Variants in CENPL observed in about 807,000 individuals in gnomAD.
CENPL encodes interphase centromere complex protein 33.
A neutral mutation model predicts 35.2 loss-of-function variants in CENPL; 20 were observed. The observed-to-expected ratio is 0.57, with a 90% CI of 0.40 to 0.83. The LOEUF (loss-of-function observed/expected upper bound fraction) is 0.83, where lower values mean the gene tolerates loss of function less well. CENPL is among the 40% of genes least tolerant of loss of function. The probability of loss-of-function intolerance (pLI) is 0.00; values close to 1 mark genes in which losing one functional copy is unlikely to be tolerated. For missense variants in CENPL, 363 were observed against 395.8 expected (o/e 0.92, Z 0.70); for synonymous variants, 140 against 140.6 (o/e 1.00, Z 0.03).
intron 2 of CENPL, among the ~76,000 whole-genome samples, chr1:173,819,869 G>GT (rs79692984): frequency 0.011 from 1,630 of 143,890 alleles, 20 homozygotes; most frequent in African/African-American, 0.034. Context: ...TTTTTTGTTT[G>GT]TTTTTTTTTT....
At chr1:173,807,607 T>C in intron 3 of CENPL, 89 bp from the exon 4 acceptor site, 1 of 1,065,886 alleles carries the variant, frequency 9.4e-7, no homozygotes, top group Non-Finnish European at 1.3e-6. Context: ...AATACAAATA[T>C]ATTATTGAGT....
intron 2 of CENPL, among the ~76,000 whole-genome samples, chr1:173,820,364 A>G (rs1171497799): frequency 6.6e-6 from 1 of 152,086 alleles, no homozygotes; most frequent in African/African-American, 2.4e-5. Flanking sequence ...ATCTTTCAAA[A>G]AAAAAAAAGG....
chr1:173,803,396 T>G lies in CENPL; in HGVS notation c.530A>C (p.Asp177Ala). The G allele has an allele frequency of 6.2e-7, 1 of 1,614,084 alleles. No individual in the cohort carries two copies. Among genetic ancestry groups the G allele is most frequent in the Non-Finnish European group, 8.5e-7 (1 of 1,179,956 alleles). ...AAGGAATAAGGGCAGACAGGTGAAATCTTCTGAAACAGTCTCCAGAAGACT... is the reference window on the plus strand; with the variant it reads ...AAGGAATAAGGGCAGACAGGTGAAAGCTTCTGAAACAGTCTCCAGAAGACT... ...GDSLLETVSEDFTCLPLFLAN... is the reference protein window; with the variant it reads ...GDSLLETVSEAFTCLPLFLAN... Residue 177 changes from aspartate (D) to alanine (A), a missense_variant, in exon 5 of 6, where the codon GAT becomes GCT. Transcript: ENST00000682279.
Position 173,803,324 on chromosome 1 carries a change from T to C in CENPL, c.602A>G (p.Gln201Arg). 1 of 1,614,064 alleles carries C rather than the reference T, an allele frequency of 6.2e-7. No homozygotes were observed. The highest frequency in any genetic ancestry group is 8.5e-7 in the Non-Finnish European group (1 of 1,179,900). Reference protein sequence around the residue: ...SNTAIIGTWFQKTFDCYFSPL... With the variant: ...SNTAIIGTWFRKTFDCYFSPL... ...ACTGAAATAACAGTCAAAGGTTTTC[T>C]GAAACCAAGTTCCAATTATTGCTGT... is the stretch of plus-strand genomic sequence containing the variant. Residue 201 changes from glutamine to arginine, a missense_variant, in exon 5 of 6, where the codon CAG becomes CGG. By Grantham distance (43) the Gln-to-Arg change is conservative. Coordinates refer to ENST00000682279, the MANE Select transcript of CENPL (RefSeq NM_001387287.1).
intron 3 of CENPL, among the ~76,000 whole-genome samples, chr1:173,809,710 G>A (rs1217508943): frequency 1.3e-5 from 2 of 151,668 alleles, no homozygotes; most frequent in Non-Finnish European, 2.9e-5. Context: ...ATCATATGAA[G>A]AAAAGTTCAA....
intron 3 of CENPL, among the ~76,000 whole-genome samples, chr1:173,808,200 G>A (rs1390359006): frequency 6.6e-6 from 1 of 152,022 alleles, no homozygotes; most frequent in Non-Finnish European, 1.5e-5. Flanking sequence ...AAGGTCAGGA[G>A]TTTGAGACCA....
intron 2 of CENPL, among the ~76,000 whole-genome samples, chr1:173,819,098 G>A (rs547374792): frequency 2.0e-5 from 3 of 152,030 alleles, no homozygotes; most frequent in Admixed American, 1.3e-4. Flanking sequence ...CTAGCCAGGT[G>A]TGGTAGTGCA....
At chr1:173,820,419 G>A (rs1416046921) in intron 2 of CENPL, among the ~76,000 whole-genome samples, 1 of 151,958 alleles carries the variant, frequency 6.6e-6, no homozygotes, top group Non-Finnish European at 1.5e-5. Flanking sequence ...CAGAGGCTGA[G>A]GCAGGAGGAG....
rs1650800355 is a variant in CENPL at position 173,811,300 on chromosome 1, G to A, written c.-1C>T. The A allele has an allele frequency of 4.4e-6, 7 of 1,590,952 alleles. No individual in the cohort carries two copies. Among genetic ancestry groups the A allele is most frequent in the Non-Finnish European group, 6.0e-6 (7 of 1,163,328 alleles). ...ACTCTGGTGCACTGTAAGAATCCAT[G>A]GTCTGTCTGCATAAGAAGAAACAAA... On this transcript the variant is annotated 5_prime_UTR_variant, in exon 3 of 6. Transcript: ENST00000682279.
At chr1:173,811,955 C>A (rs1650871895) in intron 2 of CENPL, among the ~76,000 whole-genome samples, 1 of 152,246 alleles carries the variant, frequency 6.6e-6, no homozygotes, top group South Asian at 2.1e-4. Context: ...ATGGGACACT[C>A]CCACCCAAAT....
chr1:173,803,593 G>A lies in CENPL; in HGVS notation c.421-88C>T, dbSNP rs571099854. ...CTCAAAATTAGTTCATTAAAAATAA[G>A]ACGAGCCAATGTAATACTTGCAAAA... On this transcript the variant is annotated intron_variant, in intron 4 of 5. Transcript: ENST00000682279. 3.0e-3 allele frequency: 3,653 copies of A among 1,231,400 alleles called. 9 individuals are homozygous for A. The highest frequency in any genetic ancestry group is 3.7e-3 in the Non-Finnish European group (3,293 of 897,752). 76.3% of individuals were successfully genotyped at this position (1,231,400 alleles called of 1,614,324 possible).
chr1:173,815,563 T>A (rs1043421694), intron 2 of CENPL, among the ~76,000 whole-genome samples: 1 of 152,116 alleles, frequency 6.6e-6, no homozygotes, highest in African/African-American at 2.4e-5. Flanking sequence ...ATTCATCACA[T>A]AAACAGAAAC....
chr1:173,811,217 T>G lies in CENPL; in HGVS notation c.83A>C (p.Gln28Pro), dbSNP rs1650788194. ...CTTCCTGACCGATTCTAATCGTTTC[T>G]GCAGAGGAGTGGCACCTATAAAGTA... is the stretch of plus-strand genomic sequence containing the variant. ...EDYFIGATPLQKRLESVRKQS... is the reference protein window; with the variant it reads ...EDYFIGATPLPKRLESVRKQS... Residue 28 changes from glutamine to proline, a missense_variant, in exon 3 of 6, where the codon CAG (glutamine) becomes CCG (proline). Transcript: ENST00000682279. The G allele has an allele frequency of 1.2e-6, 2 of 1,613,836 alleles. No individual in the cohort carries two copies. The highest frequency in any genetic ancestry group is 1.7e-6 in the Non-Finnish European group (2 of 1,179,808).
At position 173,817,590 on chromosome 1, in the gene CENPL, A is replaced by T. The variant is rs567702493; in HGVS notation, c.-7-6284T>A. 1.6e-4 allele frequency among the ~76,000 whole-genome samples: 25 copies of T among 152,382 alleles called. No individual in the cohort carries two copies. In the South Asian group the frequency reaches 2.1e-3, roughly 13 times the overall value. ...AACTAGTTCAACCATTGTGGAAGACAGTGTGGCAATTCCTCAAGGATCTAG... is the reference window on the plus strand; with the variant it reads ...AACTAGTTCAACCATTGTGGAAGACTGTGTGGCAATTCCTCAAGGATCTAG... On this transcript the variant is annotated intron_variant, in intron 2 of 5. Transcript: ENST00000682279.
chr1:173,816,299 C>T (rs1045763000), intron 2 of CENPL, among the ~76,000 whole-genome samples: 9 of 152,188 alleles, frequency 5.9e-5, no homozygotes, highest in Non-Finnish European at 1.3e-4. Context: ...CATCAAGCTA[C>T]CAATGACTTT....
At chr1:173,812,836 C>A (rs777961369) in intron 2 of CENPL, among the ~76,000 whole-genome samples, 3 of 152,214 alleles carry the variant, frequency 2.0e-5, no homozygotes, top group Non-Finnish European at 4.4e-5. Flanking sequence ...GATGAGTTGA[C>A]AGAAGTAGGC....
chr1:173,816,123 C>A (rs1339405283), intron 2 of CENPL, among the ~76,000 whole-genome samples: 1 of 152,156 alleles, frequency 6.6e-6, no homozygotes, highest in Non-Finnish European at 1.5e-5. Context: ...ATCCAACTTA[C>A]AAGGGATGTG....
At chr1:173,819,193 C>T (rs1427338330) in intron 2 of CENPL, among the ~76,000 whole-genome samples, 1 of 151,894 alleles carries the variant, frequency 6.6e-6, no homozygotes, top group East Asian at 1.9e-4. Flanking sequence ...GTGATCATGC[C>T]ACCGAATTCC....
chr1:173,814,094 C>T (rs9425420), intron 2 of CENPL, among the ~76,000 whole-genome samples: 13,820 of 151,986 alleles, frequency 0.091, 2,029 homozygotes, highest in African/African-American at 0.31. Context: ...CACTACATAA[C>T]GGTAAAGAGA....
Sources: allele counts gnomAD v4.1 joint callset (sites outside exome capture counted in the v4.1 genomes callset), GRCh38; gene constraint gnomAD v4.1.1; transcripts MANE v1.5; gene names NCBI Gene and HGNC (gene_info 2026-07-23, HGNC 2026-07-21).